GATM: variants seen among roughly 807,000 people sequenced by gnomAD.
GATM encodes glycine amidinotransferase, mitochondrial.
In GATM, 23 loss-of-function variants were observed where a neutral mutation model predicts 54.2. That is an observed-to-expected ratio of 0.42 (90% CI 0.31 to 0.60). GATM has a LOEUF of 0.60. Among genes scored for constraint, GATM ranks in the 20% least tolerant of loss-of-function variants. The pLI is 0.14. For synonymous variants in GATM, 168 were observed against 183.1 expected (o/e 0.92, Z 0.67); for missense variants, 401 against 544.9 (o/e 0.74, Z 2.63).
At chr15:45,362,824 T>C (rs563328713) in intron 8 of GATM, among the ~76,000 whole-genome samples, 7 of 152,190 alleles carry the variant, frequency 4.6e-5, no homozygotes, top group Admixed American at 2.6e-4. Flanking sequence ...ATTTAACCAA[T>C]GGTATTTAGG....
intron 3 of GATM, among the ~76,000 whole-genome samples, chr15:45,388,251 A>G (rs1226562567): frequency 6.6e-6 from 1 of 152,184 alleles, no homozygotes; most frequent in African/African-American, 2.4e-5. Flanking sequence ...AATTTTCATG[A>G]GTTTGTGGGA....
At chr15:45,375,660 T>C (rs1889619672) in intron 2 of GATM, among the ~76,000 whole-genome samples, 1 of 152,100 alleles carries the variant, frequency 6.6e-6, no homozygotes, top group African/African-American at 2.4e-5. Context: ...CCTGCTAATC[T>C]GCTGTACTAA....
intron 8 of GATM, 26 bp downstream of exon 8, chr15:45,363,874 C>T (rs371623718): frequency 5.4e-6 from 7 of 1,305,782 alleles, no homozygotes; most frequent in Non-Finnish European, 7.8e-6. Context: ...TCATGTATGA[C>T]AACATGTTTC....
chr15:45,400,451 T>C lies in GATM; in HGVS notation c.-529-856A>G, dbSNP rs1219754062. Among the ~76,000 whole-genome samples, 4 of 152,238 alleles carry C rather than the reference T, an allele frequency of 2.6e-5. No individual in the cohort carries two copies. The South Asian group carries it at 8.3e-4, about 31-fold the overall frequency. ...CCAGTAACAGAATTCCTTGTTGCTT[T>C]TGTTTGCAACCTATGGTAAAGACTG... On this transcript the variant is annotated intron_variant, in intron 1 of 4. Coordinates refer to the GATM transcript ENST00000561148.
At chr15:45,377,631 A>G in intron 1 of GATM, 1 of 185,212 alleles carries the variant, frequency 5.4e-6, no homozygotes, top group Non-Finnish European at 1.1e-5. Context: ...AAGCCTTAGG[A>G]AGTGGGCAGG....
chr15:45,375,217 C>T (rs1329135690), intron 2 of GATM, among the ~76,000 whole-genome samples: 1 of 152,026 alleles, frequency 6.6e-6, no homozygotes, highest in South Asian at 2.1e-4. Context: ...ACTACAGGCA[C>T]CCGCCACCAC....
Position 45,368,563 on chromosome 15 carries a change from G to C in GATM, c.485-303C>G, listed in dbSNP as rs1270934579. ...AGAGGCAAAGGCTGCAGTGAGCCGA[G>C]ATTGTGCCACCACACTCCAGCCTGG... On this transcript the variant is annotated intron_variant, in intron 3 of 8. Coordinates refer to ENST00000396659, the MANE Select transcript of GATM (RefSeq NM_001482.3). The surrounding 1 kb of genome is among the most constrained non-coding windows in gnomAD (Gnocchi z 5.1). Among the ~76,000 whole-genome samples the C allele has an allele frequency of 6.6e-6, 1 of 152,000 alleles. No homozygotes were observed. Among genetic ancestry groups the C allele is most frequent in the African/African-American group, 2.4e-5 (1 of 41,380 alleles).
chr15:45,363,213 A>G (rs1459020258), intron 8 of GATM, among the ~76,000 whole-genome samples: 2 of 152,164 alleles, frequency 1.3e-5, no homozygotes, highest in African/African-American at 4.8e-5. Context: ...TGTAGGTTGC[A>G]GTGAGCCGAG....
At chr15:45,378,185 C>T (rs1212474975) in intron 1 of GATM, 200 bp downstream of exon 1, 19 of 477,786 alleles carry the variant, frequency 4.0e-5, no homozygotes, top group African/African-American at 3.7e-4. Flanking sequence ...GACTGGGGGA[C>T]GCCGCCCAGC....
intron 3 of GATM, among the ~76,000 whole-genome samples, chr15:45,390,510 T>C (rs1889860326): frequency 6.6e-6 from 1 of 152,214 alleles, no homozygotes; most frequent in Non-Finnish European, 1.5e-5. Context: ...CACATCAAAA[T>C]GACAATAAGC....
Position 45,367,920 on chromosome 15 carries a change from CATCA to C in GATM, c.675+146_675+149del. The C allele has an allele frequency of 9.0e-6, 6 of 666,470 alleles. No individual in the cohort carries two copies. In the Middle Eastern group the frequency reaches 2.5e-3, roughly 277 times the overall value. 41.3% of individuals were successfully genotyped at this position (666,470 alleles called of 1,614,324 possible). ...TAGGATCATTTACTCTTATCATATT[CATCA>C]TAAAATAATCACTTTTTAAAAATAA... On this transcript the variant is annotated intron_variant, in intron 4 of 8. Transcript: ENST00000396659.
intron 1 of GATM, 114 bp downstream of exon 1, chr15:45,378,271 T>C: frequency 3.8e-6 from 3 of 779,878 alleles, no homozygotes; most frequent in Admixed American, 2.5e-5. Flanking sequence ...CAATTCCGGC[T>C]AGGGAAAGCG....
chr15:45,365,441 A>C (rs1889432074), intron 6 of GATM, among the ~76,000 whole-genome samples: 1 of 152,246 alleles, frequency 6.6e-6, no homozygotes, highest in East Asian at 1.9e-4. Flanking sequence ...AAAATAAAAA[A>C]CAGAAATGAA....
At chr15:45,381,232 G>C (rs918874548), upstream of GATM, among the ~76,000 whole-genome samples, 67 of 151,918 alleles carry the variant, frequency 4.4e-4, 1 homozygote, top group African/African-American at 1.4e-3. Flanking sequence ...GGATCTTGGT[G>C]GTCTCATACC....
chr15:45,398,474 C>A (rs529340642), intron 2 of GATM, among the ~76,000 whole-genome samples: 1 of 152,274 alleles, frequency 6.6e-6, no homozygotes, highest in East Asian at 1.9e-4. Flanking sequence ...TATTCTATAT[C>A]TAGAATTACT....
At chr15:45,372,705 G>C (rs914072820) in intron 2 of GATM, among the ~76,000 whole-genome samples, 5 of 152,222 alleles carry the variant, frequency 3.3e-5, no homozygotes, top group African/African-American at 7.2e-5. Flanking sequence ...TTTGTGCAGG[G>C]TGAAGCTTGC....
rs774881489 is a variant in GATM, at chr15:45,362,124, C to T, written c.1257G>A (p.Gln419=). 4.3e-6 allele frequency: 7 copies of T among 1,611,518 alleles called. 1 individual carries two copies. The South Asian group carries it at 4.4e-5, about 10-fold the overall frequency. ...TCAGGCCTGTTCAGTCCAAGTAGGA[C>T]TGTAAGGTGCCTCGGCGCCGGACAT... The part of the protein sequence containing the change: ...TCDVRRRGTL[Q]SYLD The change falls in exon 9 of 9, where the codon CAG becomes CAA. Residue 419 remains glutamine, a synonymous_variant. Coordinates refer to ENST00000396659, the MANE Select transcript of GATM (RefSeq NM_001482.3).
intron 1 of GATM, among the ~76,000 whole-genome samples, chr15:45,400,658 C>G (rs1413241247): frequency 6.6e-6 from 1 of 152,212 alleles, no homozygotes; most frequent in Non-Finnish European, 1.5e-5. Flanking sequence ...TAAACCAATT[C>G]AGAAAATTTT....
intron 2 of GATM, among the ~76,000 whole-genome samples, chr15:45,370,693 T>C (rs1161928984): frequency 6.6e-6 from 1 of 152,244 alleles, no homozygotes; most frequent in Non-Finnish European, 1.5e-5. Context: ...AACATTTGAA[T>C]GCTTTAAAAT....
Sources: allele counts gnomAD v4.1 joint callset (sites outside exome capture counted in the v4.1 genomes callset), GRCh38; gene constraint gnomAD v4.1.1; non-coding constraint Gnocchi (gnomAD v3.1); transcripts MANE v1.5; gene names NCBI Gene and HGNC (gene_info 2026-07-23, HGNC 2026-07-21).